FAM151B: variants seen among roughly 807,000 people sequenced by gnomAD.
The protein encoded by FAM151B is protein FAM151B.
A neutral mutation model predicts 31.2 loss-of-function variants in FAM151B; 24 were observed. The ratio of observed to expected loss-of-function variants is 0.77; its 90% CI spans 0.56 to 1.08. The LOEUF is 1.08. Ranked by LOEUF, FAM151B falls within the 50% of genes least tolerant of loss-of-function variation. The pLI, the probability that FAM151B is intolerant of heterozygous loss-of-function variation, is 0.00. For synonymous variants in FAM151B, 105 were observed against 111.4 expected (o/e 0.94, Z 0.36); for missense variants, 293 against 328.6 (o/e 0.89, Z 0.84).
At chr5:80,529,997 GC>G (rs1337546904) in intron 5 of FAM151B, among the ~76,000 whole-genome samples, 1 of 125,830 alleles carries the variant, frequency 7.9e-6, no homozygotes, top group Admixed American at 7.5e-5. Flanking sequence ...TAAAATACTG[GC>G]AAACCAAATC....
intron 2 of FAM151B, among the ~76,000 whole-genome samples, chr5:80,508,806 C>T (rs1744079473): frequency 6.6e-6 from 1 of 152,116 alleles, no homozygotes; most frequent in African/African-American, 2.4e-5. Flanking sequence ...GGACAACACC[C>T]TTAAGATTCC....
At chr5:80,494,462 TTC>T (rs1743439998) in intron 1 of FAM151B, among the ~76,000 whole-genome samples, 5 of 70,942 alleles carry the variant, frequency 7.0e-5, no homozygotes, top group African/African-American at 3.1e-4. Context: ...TTTCTTTTCT[TTC>T]TTTCTTTCTT....
intron 5 of FAM151B, among the ~76,000 whole-genome samples, chr5:80,538,538 TTCCTTC>T (rs1263580483): frequency 3.0e-5 from 4 of 132,262 alleles, no homozygotes; most frequent in African/African-American, 1.2e-4. Context: ...CCTTCCTTCC[TTCCTTC>T]CTTCCTTCCT....
At chr5:80,519,980 A>T (rs942327605) in intron 4 of FAM151B, 70 bp downstream of exon 4, 2 of 1,420,602 alleles carry the variant, frequency 1.4e-6, no homozygotes, top group Non-Finnish European at 1.9e-6. Flanking sequence ...AACATCTTTA[A>T]TACAAAGACC....
chr5:80,507,209 A>G (rs1184052279), intron 2 of FAM151B, among the ~76,000 whole-genome samples: 1 of 152,042 alleles, frequency 6.6e-6, no homozygotes, highest in Non-Finnish European at 1.5e-5. Context: ...ATTTGTTAGA[A>G]CTTTGCTTCA....
intron 1 of FAM151B, chr5:80,498,770 A>G (rs1282600474): frequency 9.2e-6 from 5 of 546,258 alleles, no homozygotes; most frequent in South Asian, 4.5e-5. Context: ...TAGCACCACC[A>G]CAAAGTCTCA....
chr5:80,519,621 C>A, intron 3 of FAM151B, 72 bp from the exon 4 acceptor site: 2 of 1,233,732 alleles, frequency 1.6e-6, no homozygotes, highest in Non-Finnish European at 2.3e-6. Context: ...ACATTGAGAC[C>A]ACTAGTCTAA....
At chr5:80,493,931 A>C (rs1456185878) in intron 1 of FAM151B, among the ~76,000 whole-genome samples, 4 of 152,072 alleles carry the variant, frequency 2.6e-5, no homozygotes, top group Non-Finnish European at 5.9e-5. Flanking sequence ...TCCCTAATAA[A>C]AACTTGCTGG....
At chr5:80,498,476 T>G (rs1430430570) in intron 1 of FAM151B, 4 of 643,872 alleles carry the variant, frequency 6.2e-6, no homozygotes, top group South Asian at 3.3e-5. Flanking sequence ...TTTGGTTTTT[T>G]GGGGGGCTTT....
At chr5:80,534,049 T>C (rs978899017) in intron 5 of FAM151B, among the ~76,000 whole-genome samples, 66 of 152,018 alleles carry the variant, frequency 4.3e-4, no homozygotes, top group African/African-American at 1.4e-3. Context: ...CCAACCAATA[T>C]TGAACCATGA....
intron 2 of FAM151B, among the ~76,000 whole-genome samples, chr5:80,513,186 A>T (rs1744260881): frequency 6.6e-6 from 1 of 152,216 alleles, no homozygotes; most frequent in Non-Finnish European, 1.5e-5. Context: ...AAAGAAGTGA[A>T]TTTTTAATGT....
At chr5:80,498,410 T>A (rs1244752922) in intron 1 of FAM151B, 2 of 375,464 alleles carry the variant, frequency 5.3e-6, no homozygotes, top group Non-Finnish European at 1.0e-5. Flanking sequence ...TATATGCCCC[T>A]CCATTCTCTG....
chr5:80,500,689 A>C (rs1048981086), intron 1 of FAM151B: 1 of 793,638 alleles, frequency 1.3e-6, no homozygotes, highest in Non-Finnish European at 2.2e-6. Context: ...TCTTCAGTGG[A>C]ACCTTTGTGA....
intron 3 of FAM151B, among the ~76,000 whole-genome samples, chr5:80,514,892 C>T (rs1744349485): frequency 6.6e-6 from 1 of 152,098 alleles, no homozygotes; most frequent in Admixed American, 6.6e-5. Context: ...TCTTGATATA[C>T]AGGAGTTTGG....
intron 5 of FAM151B, among the ~76,000 whole-genome samples, chr5:80,533,856 A>G (rs1409167571): frequency 6.6e-6 from 1 of 152,080 alleles, no homozygotes; most frequent in East Asian, 1.9e-4. Context: ...AAGAAAATGG[A>G]CAAATCTTTA....
intron 1 of FAM151B, among the ~76,000 whole-genome samples, chr5:80,489,924 A>T (rs1743249076): frequency 1.3e-5 from 2 of 151,562 alleles, no homozygotes; most frequent in Admixed American, 6.6e-5. Flanking sequence ...ACTGTCTCAA[A>T]ACAAAAACAA....
At chr5:80,536,399 C>CT (rs1295989938) in intron 5 of FAM151B, among the ~76,000 whole-genome samples, 1 of 152,030 alleles carries the variant, frequency 6.6e-6, no homozygotes, top group African/African-American at 2.4e-5. Flanking sequence ...TGGTCTCAAA[C>CT]TCCTGACCTC....
intron 5 of FAM151B, among the ~76,000 whole-genome samples, chr5:80,525,174 A>C (rs1399660466): frequency 6.6e-6 from 1 of 152,226 alleles, no homozygotes; most frequent in African/African-American, 2.4e-5. Flanking sequence ...TATGAATAAT[A>C]TGTTACAAAG....
At chr5:80,514,057 G>GGA (rs566508612) in intron 3 of FAM151B, among the ~76,000 whole-genome samples, 37 of 152,198 alleles carry the variant, frequency 2.4e-4, no homozygotes, top group African/African-American at 8.2e-4. Context: ...AAGTAACCCA[G>GGA]GAGAGAGAGA....
Sources: gnomAD v4.1 joint callset for allele counts (sites outside exome capture counted in the v4.1 genomes callset) on GRCh38, gnomAD v4.1.1 for gene constraint, MANE v1.5 for transcripts, NCBI Gene and HGNC (gene_info 2026-07-23, HGNC 2026-07-21) for gene names.